The following HIVEP3 variants were observed in gnomAD, a reference collection of about 807,000 sequenced individuals.
HIVEP3 encodes transcription factor HIVEP3.
In HIVEP3, 49 loss-of-function variants were observed where a neutral mutation model predicts 152.8. The ratio of observed to expected loss-of-function variants is 0.32; its 90% CI spans 0.26 to 0.41. The LOEUF (loss-of-function observed/expected upper bound fraction) is 0.41, where lower values mean the gene tolerates loss of function less well. Among genes scored for constraint, HIVEP3 ranks in the 10% least tolerant of loss-of-function variants. The pLI is 1.00. For missense variants in HIVEP3, 2,790 were observed against 3,103.3 expected, an observed-to-expected ratio of 0.90 and a Z score of 2.40; for synonymous variants, 1,269 against 1,289.0, an observed-to-expected ratio of 0.98 and a Z score of 0.33.
intron 1 of HIVEP3, among the ~76,000 whole-genome samples, chr1:41,804,452 G>A (rs918253840): frequency 6.6e-6 from 1 of 152,234 alleles, no homozygotes; most frequent in African/African-American, 2.4e-5. Context: ...CCATTTTACA[G>A]CTGAAGCAAC....
At chr1:41,969,081 C>T (rs1645214685) in intron 1 of HIVEP3, among the ~76,000 whole-genome samples, 1 of 152,150 alleles carries the variant, frequency 6.6e-6, no homozygotes, top group African/African-American at 2.4e-5. Flanking sequence ...GATGGAAAAA[C>T]ATTCCATGTT....
chr1:41,898,384 C>A (rs1343516982), intron 1 of HIVEP3, among the ~76,000 whole-genome samples: 2 of 152,186 alleles, frequency 1.3e-5, no homozygotes. Flanking sequence ...GAACTGCTGA[C>A]AACACCCTCA....
chr1:41,598,834 G>A (rs200005318), intron 3 of HIVEP3, among the ~76,000 whole-genome samples: 1 of 66,318 alleles, frequency 1.5e-5, no homozygotes, highest in Non-Finnish European at 2.8e-5. Context: ...TATTTATTTA[G>A]GGACAGGATC....
chr1:41,527,153 CTCA>C lies in HIVEP3; in HGVS notation c.5208-2246_5208-2244del, dbSNP rs1270472838. Among the ~76,000 whole-genome samples, 15 of 141,362 alleles carry C rather than the reference CTCA, an allele frequency of 1.1e-4. No individual in the cohort carries two copies. In the East Asian group the frequency reaches 1.3e-3, roughly 12 times the overall value. 92.7% of individuals were successfully genotyped at this position (141,362 alleles called of 152,430 possible). ...ACACACCCTCACACACCCTCACATGCTCATCCTCTCACACACCCACACACCCAC... is the reference window on the plus strand; with the variant it reads ...ACACACCCTCACACACCCTCACATGCTCCTCTCACACACCCACACACCCAC... On this transcript the variant is annotated intron_variant, in intron 5 of 8. Coordinates refer to ENST00000372583, the MANE Select transcript of HIVEP3 (RefSeq NM_024503.5).
chr1:41,806,620 C>T (rs895785225), intron 1 of HIVEP3, among the ~76,000 whole-genome samples: 22 of 152,252 alleles, frequency 1.4e-4, no homozygotes, highest in Non-Finnish European at 2.5e-4. Flanking sequence ...CGAGGGCCAG[C>T]GCAGGTGGCT....
intron 1 of HIVEP3, among the ~76,000 whole-genome samples, chr1:42,022,125 C>T (rs1645558048): frequency 1.3e-5 from 2 of 152,196 alleles, no homozygotes; most frequent in Non-Finnish European, 2.9e-5. Flanking sequence ...CTGCCAACCC[C>T]AAACTGGCTT....
intron 1 of HIVEP3, among the ~76,000 whole-genome samples, chr1:42,006,105 T>C (rs945649125): frequency 1.8e-4 from 28 of 152,214 alleles, no homozygotes; most frequent in African/African-American, 6.5e-4. Context: ...GATGTTTTCA[T>C]GCAATCTTCC....
chr1:42,007,490 G>A (rs893999991), intron 1 of HIVEP3, among the ~76,000 whole-genome samples: 2 of 152,136 alleles, frequency 1.3e-5, no homozygotes, highest in Non-Finnish European at 2.9e-5. Context: ...GTATTTGATG[G>A]GCAATTTAAG....
At chr1:41,673,332 T>A (rs1260245449) in intron 2 of HIVEP3, among the ~76,000 whole-genome samples, 2 of 152,228 alleles carry the variant, frequency 1.3e-5, no homozygotes, top group African/African-American at 4.8e-5. Context: ...GACCTTTAAG[T>A]ACTTTATAGA....
At position 41,913,811 on chromosome 1, in the gene HIVEP3, C is replaced by T. The variant is rs1570798511; in HGVS notation, c.-801+4602G>A. ...GGAGGAGCATATCGTGTGTTTATAA[C>T]ACTGCTTTTATTTTTTCCATATCTT... On this transcript the variant is annotated intron_variant, in intron 1 of 8. Coordinates refer to ENST00000372583, the MANE Select transcript of HIVEP3 (RefSeq NM_024503.5). Among the ~76,000 whole-genome samples the T allele has an allele frequency of 2.6e-5, 4 of 152,274 alleles. No individual in the cohort carries two copies. In the South Asian group the frequency reaches 8.3e-4, roughly 32 times the overall value.
intron 5 of HIVEP3, among the ~76,000 whole-genome samples, chr1:41,545,785 C>T (rs534963910): frequency 6.8e-6 from 1 of 146,502 alleles, no homozygotes; most frequent in African/African-American, 2.7e-5. Context: ...ACCACCACCA[C>T]CACCACCATC....
chr1:41,995,515 TGAA>T (rs543687258), intron 1 of HIVEP3, among the ~76,000 whole-genome samples: 241 of 152,228 alleles, frequency 1.6e-3, no homozygotes, highest in Middle Eastern at 3.4e-3. Context: ...ATTTTCTTCA[TGAA>T]GAAGAAGAAA....
intron 1 of HIVEP3, among the ~76,000 whole-genome samples, chr1:41,829,389 C>T (rs1236981120): frequency 6.6e-6 from 1 of 152,116 alleles, no homozygotes; most frequent in Non-Finnish European, 1.5e-5. Flanking sequence ...TTCATCCTGA[C>T]CTTCCCTCTC....
chr1:41,967,593 T>C (rs1440758498), intron 1 of HIVEP3, among the ~76,000 whole-genome samples: 1 of 152,078 alleles, frequency 6.6e-6, no homozygotes, highest in Non-Finnish European at 1.5e-5. Context: ...ATCAAAAAGC[T>C]AGAAAGATCT....
At chr1:41,596,334 C>T (rs1484024908) in intron 3 of HIVEP3, among the ~76,000 whole-genome samples, 2 of 152,196 alleles carry the variant, frequency 1.3e-5, no homozygotes, top group Non-Finnish European at 2.9e-5. Flanking sequence ...CCCCTCATAC[C>T]CTCTGACCTG....
intron 1 of HIVEP3, among the ~76,000 whole-genome samples, chr1:41,854,118 TCTCTCTCTCC>T (rs1448292720): frequency 6.6e-6 from 1 of 151,984 alleles, no homozygotes; most frequent in Admixed American, 6.6e-5. Flanking sequence ...TCTCTCTCCC[TCTCTCTCTCC>T]CTCTCTCTGT....
intron 1 of HIVEP3, among the ~76,000 whole-genome samples, chr1:41,960,479 A>G (rs1645163843): frequency 6.6e-6 from 1 of 152,144 alleles, no homozygotes; most frequent in African/African-American, 2.4e-5. Flanking sequence ...AGACTGATAC[A>G]GGGGAATAAG....
At chr1:41,694,639 T>G (rs564928791) in intron 2 of HIVEP3, among the ~76,000 whole-genome samples, 1 of 152,340 alleles carries the variant, frequency 6.6e-6, no homozygotes, top group Non-Finnish European at 1.5e-5. Context: ...GCGTGTCATG[T>G]GCAACATGCC....
intron 1 of HIVEP3, among the ~76,000 whole-genome samples, chr1:41,849,285 C>G (rs953097054): frequency 6.6e-6 from 1 of 152,174 alleles, no homozygotes; most frequent in Admixed American, 6.5e-5. Flanking sequence ...CTGATCTTCA[C>G]GACAGATGCA....
Sources: gnomAD v4.1 joint callset for allele counts (sites outside exome capture counted in the v4.1 genomes callset) on GRCh38, gnomAD v4.1.1 for gene constraint, MANE v1.5 for transcripts, NCBI Gene and HGNC (gene_info 2026-07-23, HGNC 2026-07-21) for gene names.